Variants in MID2 observed in about 807,000 individuals in gnomAD.
MID2 encodes probable E3 ubiquitin-protein ligase MID2.
Under a neutral mutation model 46.1 loss-of-function variants are expected in MID2, and 13 were observed. The ratio of observed to expected loss-of-function variants is 0.28; its 90% CI spans 0.18 to 0.45. The LOEUF (loss-of-function observed/expected upper bound fraction) is 0.45, where lower values mean the gene tolerates loss of function less well. MID2 is among the 20% of genes least tolerant of loss of function. The probability of loss-of-function intolerance (pLI) is 1.00; values close to 1 mark genes in which losing one functional copy is unlikely to be tolerated. For missense variants in MID2, 431 were observed against 575.4 expected (o/e 0.75, Z 2.57); for synonymous variants, 199 against 212.3 (o/e 0.94, Z 0.55).
At chrX:107,831,947 C>A (rs1375504129) in intron 1 of MID2, among the ~76,000 whole-genome samples, 1 of 112,119 alleles carries the variant, frequency 8.9e-6, no homozygotes, top group Non-Finnish European at 1.9e-5. Flanking sequence ...GTTACCTTGG[C>A]AAATCCATTT....
rs1933209450 is a variant in MID2 at position 107,927,747 on chromosome X, G to A, written c.*674G>A. Reference sequence around the variant, plus strand: ...CTTTTTAATTTGCTAATTTGAGTGAGAAATATACTGGAAGGGAAAATAAGT... The same window carrying A: ...CTTTTTAATTTGCTAATTTGAGTGAAAAATATACTGGAAGGGAAAATAAGT... On this transcript the variant is annotated 3_prime_UTR_variant, in exon 10 of 10. Coordinates refer to ENST00000262843, the MANE Select transcript of MID2 (RefSeq NM_012216.4). Among the ~76,000 whole-genome samples, 1 of 111,300 alleles carries A rather than the reference G, an allele frequency of 9.0e-6. No homozygotes were observed. The highest frequency in any genetic ancestry group is 3.3e-5 in the African/African-American group (1 of 30,620).
In MID2 at chrX:107,924,489, C is replaced by A. The variant is rs777521293; in HGVS notation, c.1582C>A (p.Arg528=). Residue 528 remains arginine, a synonymous_variant, in exon 8 of 10, where the codon CGA becomes AGA. Coordinates refer to ENST00000262843, the MANE Select transcript of MID2 (RefSeq NM_012216.4). ...QAGSRNSEPT[R]LKTNSQPFKL... ...CGGCAGCCGGAACAGTGAACCTACC[C>A]GACTAAAAACAAACAGTACGTTGTG... 3 of 1,211,061 alleles carry A rather than the reference C, an allele frequency of 2.5e-6. No individual in the cohort carries two copies. The highest frequency in any genetic ancestry group is 3.5e-5 in the South Asian group (2 of 56,934).
chrX:107,870,771 T>TTTTTTA (rs1932046122), intron 3 of MID2, among the ~76,000 whole-genome samples: 1 of 107,423 alleles, frequency 9.3e-6, no homozygotes, highest in African/African-American at 3.4e-5. Flanking sequence ...TTTTTTTTTT[T>TTTTTTA]GAGAGCCAAT....
At chrX:107,903,873 T>C (rs1932813958) in intron 3 of MID2, 85 bp from the exon 4 acceptor site, 2 of 626,273 alleles carry the variant, frequency 3.2e-6, no homozygotes, top group South Asian at 2.5e-5. Context: ...AAGTTGTGCA[T>C]GCTTAGCTGT....
In MID2 at chrX:107,835,277, C is replaced by G. The variant is rs1338367453; in HGVS notation, c.5-5393C>G. ...TTTCATCAGTTGATGGACATTTGGG[C>G]TTTTCCCTTTTGGCTACTATGAAGA... On this transcript the variant is annotated intron_variant, in intron 1 of 9. Coordinates refer to ENST00000262843, the MANE Select transcript of MID2 (RefSeq NM_012216.4). Among the ~76,000 whole-genome samples the G allele has an allele frequency of 5.4e-5, 6 of 112,144 alleles. No homozygotes were observed. The Admixed American group carries it at 5.7e-4, about 11-fold the overall frequency.
chrX:107,875,184 A>G (rs1414941556), intron 3 of MID2, among the ~76,000 whole-genome samples: 1 of 111,442 alleles, frequency 9.0e-6, no homozygotes, highest in Non-Finnish European at 1.9e-5. Flanking sequence ...GTCAGAGTGT[A>G]ATGGTATGCA....
rs985676782 is a variant in MID2 at position 107,854,610 on chromosome X, A to G, written c.722A>G (p.Gln241Arg). 2 of 1,205,108 alleles carry G rather than the reference A, an allele frequency of 1.7e-6. No homozygotes were observed. Among genetic ancestry groups the G allele is most frequent in the African/African-American group, 1.7e-5 (1 of 57,169 alleles). ...GATTCATACCCTCTGCGATGACAGCAAACTCTGGAGATGAACCTCACCAAC... is the reference window on the plus strand; with the variant it reads ...GATTCATACCCTCTGCGATGACAGCGAACTCTGGAGATGAACCTCACCAAC... ...SLNDRFEKLK[Q>R]TLEMNLTNLV... is the part of the protein sequence containing the mutation. Residue 241 changes from glutamine to arginine, a missense_variant and splice_region_variant, in exon 3 of 10, where the codon CAA becomes CGA. Coordinates refer to ENST00000262843, the MANE Select transcript of MID2 (RefSeq NM_012216.4).
At chrX:107,896,543 C>T (rs1290053707) in intron 3 of MID2, among the ~76,000 whole-genome samples, 1 of 112,256 alleles carries the variant, frequency 8.9e-6, no homozygotes, top group Non-Finnish European at 1.9e-5. Context: ...AGCAGATTGT[C>T]CTCACGCTCT....
intron 3 of MID2, among the ~76,000 whole-genome samples, chrX:107,885,053 GT>G (rs1209757308): frequency 9.0e-6 from 1 of 111,147 alleles, no homozygotes; most frequent in Admixed American, 9.6e-5. Context: ...TTCCCAGCAG[GT>G]TGAGATCCCT....
chrX:107,905,694 G>A (rs1204655246), intron 5 of MID2, 68 bp downstream of exon 5: 24 of 938,567 alleles, frequency 2.6e-5, no homozygotes, highest in Non-Finnish European at 3.4e-5. Flanking sequence ...GTCACTTAAA[G>A]TTCAGGCATG....
chrX:107,899,293 A>T (rs1377180453), intron 3 of MID2, among the ~76,000 whole-genome samples: 1 of 109,048 alleles, frequency 9.2e-6, no homozygotes, highest in Admixed American at 9.9e-5. Flanking sequence ...TGCCAAAATA[A>T]CTTTTTGCAG....
intron 2 of MID2, among the ~76,000 whole-genome samples, chrX:107,847,412 A>T (rs765288713): frequency 9.0e-6 from 1 of 111,696 alleles, no homozygotes; most frequent in African/African-American, 3.3e-5. Context: ...AAAACAGGGA[A>T]TCATGAGTGA....
intron 8 of MID2, among the ~76,000 whole-genome samples, chrX:107,925,236 A>T (rs1420691035): frequency 8.9e-6 from 1 of 112,124 alleles, no homozygotes; most frequent in East Asian, 2.8e-4. Flanking sequence ...AGCCGCCCCT[A>T]GCAGTAAGGG....
rs188084342 is a variant in MID2, at chrX:107,910,180, A to G, written c.1073+4554A>G. ...TCCCTCCTCATACCAGCCTCTAGTA[A>G]CCACCATTCTACTCTCTATTTCTAT... On this transcript the variant is annotated intron_variant, in intron 5 of 9. Transcript: ENST00000262843. Among the ~76,000 whole-genome samples, 3 of 111,745 alleles carry G rather than the reference A, an allele frequency of 2.7e-5. No individual in the cohort carries two copies. In the East Asian group the frequency reaches 8.4e-4, roughly 31 times the overall value.
chrX:107,919,691 C>T (rs2147872861), intron 7 of MID2, among the ~76,000 whole-genome samples: 1 of 111,735 alleles, frequency 8.9e-6, no homozygotes, highest in African/African-American at 3.3e-5. Flanking sequence ...ATGTAGTACT[C>T]CCAAAGTGGT....
intron 7 of MID2, among the ~76,000 whole-genome samples, chrX:107,923,457 T>C (rs1376997035): frequency 8.9e-6 from 1 of 112,065 alleles, no homozygotes; most frequent in Non-Finnish European, 1.9e-5. Context: ...AGCAGAAGCC[T>C]AGTTCTCTGA....
At chrX:107,912,693 G>T (rs1332422517) in intron 5 of MID2, among the ~76,000 whole-genome samples, 1 of 111,124 alleles carries the variant, frequency 9.0e-6, no homozygotes, top group Non-Finnish European at 1.9e-5. Flanking sequence ...TTGGTTCCTA[G>T]GGCTTCAATT....
At chrX:107,836,677 G>T (rs1215486175) in intron 1 of MID2, among the ~76,000 whole-genome samples, 1 of 110,856 alleles carries the variant, frequency 9.0e-6, no homozygotes, top group African/African-American at 3.3e-5. Flanking sequence ...TAGGGGAAAT[G>T]GGGGATAATT....
chrX:107,841,765 G>A (rs1435040750), intron 2 of MID2, among the ~76,000 whole-genome samples: 2 of 112,483 alleles, frequency 1.8e-5, no homozygotes, highest in East Asian at 5.5e-4. Flanking sequence ...TAGCATATGT[G>A]TCGATTTGCA....
Sources: gnomAD v4.1 joint callset for allele counts (sites outside exome capture counted in the v4.1 genomes callset) on GRCh38, gnomAD v4.1.1 for gene constraint, MANE v1.5 for transcripts, NCBI Gene and HGNC (gene_info 2026-07-23, HGNC 2026-07-21) for gene names.